The following PSMD2 variants were observed in gnomAD, a reference collection of about 807,000 sequenced individuals.
PSMD2 encodes the protein 26S proteasome non-ATPase regulatory subunit 2.
Under a neutral mutation model 101.5 loss-of-function variants are expected in PSMD2, and 8 were observed. The ratio of observed to expected loss-of-function variants is 0.08; its 90% confidence interval spans 0.05 to 0.14. The LOEUF (loss-of-function observed/expected upper bound fraction) is 0.14. PSMD2 is among the 10% of genes least tolerant of loss of function. The probability of loss-of-function intolerance (pLI) is 1.00; values close to 1 mark genes in which losing one functional copy is unlikely to be tolerated. For synonymous variants in PSMD2, 418 were observed against 433.8 expected (o/e 0.96, Z 0.45); for missense variants, 784 against 1,147.4 (o/e 0.68, Z 4.58).
chr3:184,303,223 G>T, intron 8 of PSMD2, 97 bp from the exon 9 acceptor site: 1 of 1,522,370 alleles, frequency 6.6e-7, no homozygotes, highest in South Asian at 1.2e-5. Flanking sequence ...GATACTAAGG[G>T]ACTAGCTCAG....
At position 184,300,430 on chromosome 3, in the gene PSMD2, C is replaced by G; in HGVS notation, c.343C>G (p.Pro115Ala). 6.2e-7 allele frequency: 1 copy of G among 1,613,496 alleles called. No individual in the cohort carries two copies. ...KLKEIYENMAPGENKRFAADI... is the reference protein window; with the variant it reads ...KLKEIYENMAAGENKRFAADI... ...GAAGGAAATCTATGAGAACATGGCC[C>G]CTGGGGAGAATAAGGTAAAACTGTT... Residue 115 changes from proline to alanine, a missense_variant, in exon 3 of 21, where the codon CCT becomes GCT. This residue lies in a region of PSMD2 where 196 missense variants were observed against 182.4 expected (regional missense o/e 1.07). Transcript: ENST00000310118.
rs370492527 is a variant in PSMD2, at chr3:184,306,114, G to A, written c.1763G>A (p.Arg588His). Residue 588 changes from arginine (R) to histidine (H), a missense_variant, in exon 14 of 21, where the codon CGC becomes CAC. Physicochemically the swap from Arg to His is conservative, Grantham distance 29 (BLOSUM62 0). This residue lies in a region of PSMD2 where 282 missense variants were observed against 437.6 expected (regional missense o/e 0.64). Coordinates refer to ENST00000310118, the MANE Select transcript of PSMD2 (RefSeq NM_002808.5). ...CTGGAGGTTGTGTCAGAGCCATTCCGCAGTTTTGCCAACACACTGGTGGAT... is the reference window on the plus strand; with the variant it reads ...CTGGAGGTTGTGTCAGAGCCATTCCACAGTTTTGCCAACACACTGGTGGAT... The part of the protein sequence containing the change: ...AALEVVSEPF[R>H]SFANTLVDVC... 5.2e-5 allele frequency: 84 copies of A among 1,614,070 alleles called. No individual in the cohort carries two copies. Among genetic ancestry groups the A allele is most frequent in the South Asian group, 6.6e-5 (6 of 91,082 alleles).
intron 7 of PSMD2, 23 bp downstream of exon 7, chr3:184,302,846 A>G: frequency 1.9e-6 from 3 of 1,613,774 alleles, no homozygotes; most frequent in Non-Finnish European, 2.5e-6. Context: ...TTTTTTCATC[A>G]AGGCCTTTTC....
intron 3 of PSMD2, among the ~76,000 whole-genome samples, chr3:184,300,870 T>C (rs1721617333): frequency 6.6e-6 from 1 of 152,238 alleles, no homozygotes; most frequent in Non-Finnish European, 1.5e-5. Flanking sequence ...GCTTTGTTCC[T>C]ACACAGTCTG....
intron 7 of PSMD2, 67 bp downstream of exon 7, chr3:184,302,890 C>T (rs1434005644): frequency 1.9e-6 from 3 of 1,611,118 alleles, no homozygotes; most frequent in Non-Finnish European, 2.5e-6. Context: ...ACCTCCCTGA[C>T]TCTACCTCTG....
In PSMD2 at chr3:184,308,583, G is replaced by A. The variant is rs375500157; in HGVS notation, c.2544+16G>A. ...TGTGGGCCAGGTGAGAGGCTGAGTA[G>A]AGGGGAGGGCTCAGGCTGTATTCTC... On this transcript the variant is annotated intron_variant, in intron 20 of 20. Transcript: ENST00000310118. The surrounding 1 kb of genome is among the most constrained non-coding windows in gnomAD (Gnocchi z 6.0). The A allele has an allele frequency of 4.2e-5, 68 of 1,604,990 alleles. No individual in the cohort carries two copies. The highest frequency in any genetic ancestry group is 5.5e-5 in the Non-Finnish European group (64 of 1,172,250).
chr3:184,303,452 A>G lies in PSMD2; in HGVS notation c.1202A>G (p.Lys401Arg), dbSNP rs768995063. 1 of 1,614,142 alleles carries G rather than the reference A, an allele frequency of 6.2e-7. No individual in the cohort carries two copies. Among genetic ancestry groups the G allele is most frequent in the South Asian group, 1.1e-5 (1 of 91,078 alleles). ...LTDDGNKWLY[K>R]NKDHGMLSAA... ...GATGATGGCAACAAATGGCTTTACA[A>G]GAACAAGGACCACGGTATAATTCTG... Residue 401 changes from lysine to arginine, a missense_variant, in exon 9 of 21, where the codon AAG (lysine) becomes AGG (arginine). This residue lies in a region of PSMD2 where 37 missense variants were observed against 107.0 expected (regional missense o/e 0.35). Transcript: ENST00000310118.
rs759249326 is a variant in PSMD2, at chr3:184,304,919, G to T, written c.1539+528G>T. The stretch of plus-strand genomic sequence containing the variant: ...AGAAAAAAAAAATTAACATTTTAGT[G>T]TTGAGTTCTGTCCCTTGGAATCTCT... On this transcript the variant is annotated intron_variant, in intron 12 of 20. Coordinates refer to ENST00000310118, the MANE Select transcript of PSMD2 (RefSeq NM_002808.5). This position sits in a 1 kb window ranked among gnomAD's most constrained non-coding sequence, Gnocchi z 4.1. 6.6e-6 allele frequency among the ~76,000 whole-genome samples: 1 copy of T among 152,052 alleles called. No individual in the cohort carries two copies. Among genetic ancestry groups the T allele is most frequent in the Non-Finnish European group, 1.5e-5 (1 of 67,992 alleles).
intron 7 of PSMD2, 37 bp downstream of exon 7, chr3:184,302,860 A>G (rs1178579542): frequency 3.1e-6 from 5 of 1,613,484 alleles, no homozygotes; most frequent in Admixed American, 3.3e-5. Context: ...CCTTTTCGTC[A>G]TAATTCTACC....
Position 184,308,055 on chromosome 3 carries a change from G to A in PSMD2, c.2425+39G>A. On this transcript the variant is annotated intron_variant, in intron 19 of 20. Coordinates refer to ENST00000310118, the MANE Select transcript of PSMD2 (RefSeq NM_002808.5). This position sits in a 1 kb window ranked among gnomAD's most constrained non-coding sequence, Gnocchi z 6.0. ...AGAAATTTTATATCATAGCATGCAG[G>A]GCTCTGACTCCACCCTTTCCAGGGC... The A allele has an allele frequency of 1.2e-6, 2 of 1,609,856 alleles. No homozygotes were observed. The highest frequency in any genetic ancestry group is 8.5e-7 in the Non-Finnish European group (1 of 1,178,670).
Position 184,304,508 on chromosome 3 carries a change from C to A in PSMD2, c.1539+117C>A. ...TGCATGTGTGCATACATGTACATGC[C>A]TGTTGGTGTGTATTGAGGGGCGTCA... On this transcript the variant is annotated intron_variant, in intron 12 of 20. Coordinates refer to ENST00000310118, the MANE Select transcript of PSMD2 (RefSeq NM_002808.5). This position sits in a 1 kb window ranked among gnomAD's most constrained non-coding sequence, Gnocchi z 4.1. 1 of 1,044,428 alleles carries A rather than the reference C, an allele frequency of 9.6e-7. No individual in the cohort carries two copies. The highest frequency in any genetic ancestry group is 1.5e-6 in the Non-Finnish European group (1 of 680,542). 64.7% of individuals were successfully genotyped at this position (1,044,428 alleles called of 1,614,324 possible). A position where few individuals can be genotyped will look rare whatever the true frequency, so the allele number is the denominator to read the frequency against.
chr3:184,303,523 C>T lies in PSMD2; in HGVS notation c.1216+57C>T, dbSNP rs570993870. ...TTGCTTTGATCACTTCTTTTGTCCTCTTGGAGTCATAAGTTATCTGACAAG... is the reference window on the plus strand; with the variant it reads ...TTGCTTTGATCACTTCTTTTGTCCTTTTGGAGTCATAAGTTATCTGACAAG... On this transcript the variant is annotated intron_variant, in intron 9 of 20. Coordinates refer to ENST00000310118, the MANE Select transcript of PSMD2 (RefSeq NM_002808.5). 46 of 1,606,708 alleles carry T rather than the reference C, an allele frequency of 2.9e-5. No homozygotes were observed. In the East Asian group the frequency reaches 8.3e-4, roughly 29 times the overall value.
In PSMD2 at chr3:184,308,684, C is replaced by G; in HGVS notation, c.2545-24C>G. 1 of 1,604,474 alleles carries G rather than the reference C, an allele frequency of 6.2e-7. No homozygotes were observed. Among genetic ancestry groups the G allele is most frequent in the Non-Finnish European group, 8.5e-7 (1 of 1,172,632 alleles). On this transcript the variant is annotated intron_variant, in intron 20 of 20. Transcript: ENST00000310118. This position sits in a 1 kb window ranked among gnomAD's most constrained non-coding sequence, Gnocchi z 6.0. Reference sequence around the variant, plus strand: ...GGCTTGTCGCTACTTTTCCATCTCTCTTTTCAATTTTCTTACCCTACAGGC... The same window carrying G: ...GGCTTGTCGCTACTTTTCCATCTCTGTTTTCAATTTTCTTACCCTACAGGC...
In PSMD2 at chr3:184,308,783, T is replaced by C. The variant is rs1029462405; in HGVS notation, c.2620T>C (p.Leu874=). 1 of 1,614,098 alleles carries C rather than the reference T, an allele frequency of 6.2e-7. No individual in the cohort carries two copies. Among genetic ancestry groups the C allele is most frequent in the Non-Finnish European group, 8.5e-7 (1 of 1,180,010 alleles). ...GFQTHTTPVL[L]AHGERAELAT... ...CCAGACGCATACAACCCCAGTGTTGTTGGCCCACGGGGAACGGGCAGAATT... is the reference window on the plus strand; with the variant it reads ...CCAGACGCATACAACCCCAGTGTTGCTGGCCCACGGGGAACGGGCAGAATT... The change falls in exon 21 of 21, where the codon TTG becomes CTG. Residue 874 remains leucine (L), a synonymous_variant. Coordinates refer to ENST00000310118, the MANE Select transcript of PSMD2 (RefSeq NM_002808.5). This position sits in a 1 kb window ranked among gnomAD's most constrained non-coding sequence, Gnocchi z 6.0.
At chr3:184,301,323 C>T (rs1478612278) in intron 3 of PSMD2, among the ~76,000 whole-genome samples, 2 of 143,790 alleles carry the variant, frequency 1.4e-5, no homozygotes, top group East Asian at 2.0e-4. Context: ...GCAGCAAGAG[C>T]GAAACTGAGT....
At chr3:184,299,459 C>T in intron 1 of PSMD2, 58 bp downstream of exon 1, 1 of 1,307,756 alleles carries the variant, frequency 7.6e-7, no homozygotes, top group Non-Finnish European at 9.7e-7. Context: ...CACGGCGGCT[C>T]CGCAGGCCTC....
rs763100752 is a variant in PSMD2, at chr3:184,305,895, G to A, written c.1667G>A (p.Arg556His). 5.0e-6 allele frequency: 8 copies of A among 1,614,052 alleles called. No homozygotes were observed. Among genetic ancestry groups the A allele is most frequent in the African/African-American group, 2.7e-5 (2 of 74,908 alleles). ...ACTGAGCTCAAGGATACTTATGCTCGTTGGCTTCCTCTTGGACTGGGTCTC... is the reference window on the plus strand; with the variant it reads ...ACTGAGCTCAAGGATACTTATGCTCATTGGCTTCCTCTTGGACTGGGTCTC... ...SETELKDTYA[R>H]WLPLGLGLNH... Residue 556 changes from arginine (R) to histidine (H), a missense_variant, in exon 13 of 21, where the codon CGT (arginine) becomes CAT (histidine). Physicochemically the swap from Arg to His is conservative, Grantham distance 29. Around this residue, in one of 6 missense-constraint regions of PSMD2, gnomAD observed 282 missense variants for 437.6 expected, o/e 0.64. Transcript: ENST00000310118.
Position 184,307,900 on chromosome 3 carries a change from A to G in PSMD2, c.2309A>G (p.His770Arg), listed in dbSNP as rs777621020. 1 of 1,614,024 alleles carries G rather than the reference A, an allele frequency of 6.2e-7. No individual in the cohort carries two copies. Residue 770 changes from histidine (H) to arginine (R), a missense_variant, in exon 19 of 21, where the codon CAT becomes CGT. Coordinates refer to ENST00000310118, the MANE Select transcript of PSMD2 (RefSeq NM_002808.5). ...FMVRLAQGLT[H>R]LGKGTLTLCP... ...CTCTGTTTTTTTCAGGGCCTGACACATTTAGGGAAGGGCACCCTTACCCTC... is the reference window on the plus strand; with the variant it reads ...CTCTGTTTTTTTCAGGGCCTGACACGTTTAGGGAAGGGCACCCTTACCCTC...
chr3:184,300,747 A>G, intron 3 of PSMD2: 1 of 835,272 alleles, frequency 1.2e-6, no homozygotes, highest in Non-Finnish European at 1.5e-6. Flanking sequence ...TATCTCTAAA[A>G]TATGTTCCAC....
Sources: gnomAD v4.1 joint callset for allele counts (sites outside exome capture counted in the v4.1 genomes callset) on GRCh38, gnomAD v4.1.1 for gene constraint, gnomAD v4.1.1 regional missense constraint, Gnocchi (gnomAD v3.1) non-coding constraint, MANE v1.5 for transcripts, NCBI Gene and HGNC (gene_info 2026-07-23, HGNC 2026-07-21) for gene names.